The following ITSN2 variants were observed in gnomAD, a reference collection of about 807,000 sequenced individuals.
ITSN2 encodes the protein intersectin 2, also known as intersectin-2.
In ITSN2, 156 loss-of-function variants were observed where a neutral mutation model predicts 243.7. The ratio of observed to expected loss-of-function variants is 0.64; its 90% CI spans 0.56 to 0.73. The LOEUF is 0.73. Among genes scored for constraint, ITSN2 ranks in the 30% least tolerant of loss-of-function variants. The pLI is 0.00. For synonymous variants in ITSN2, 703 were observed against 699.9 expected, an observed-to-expected ratio of 1.00 and a Z score of -0.07; for missense variants, 1,801 against 1,996.1, an observed-to-expected ratio of 0.90 and a Z score of 1.86.
intron 20 of ITSN2, among the ~76,000 whole-genome samples, chr2:24,263,830 T>C (rs745844583): frequency 2.0e-5 from 3 of 152,210 alleles, no homozygotes; most frequent in Non-Finnish European, 4.4e-5. Flanking sequence ...AAGTTTTTTC[T>C]AGTTTTTGGC....
rs1301517384 is a variant in ITSN2 at position 24,210,896 on chromosome 2, C to T, written c.4141G>A (p.Ala1381Thr). 6.2e-7 allele frequency: 1 copy of T among 1,614,074 alleles called. No individual in the cohort carries two copies. The highest frequency in any genetic ancestry group is 8.5e-7 in the Non-Finnish European group (1 of 1,180,046). The change falls in exon 34 of 40, where the codon GCC (alanine) becomes ACC (threonine). Residue 1381 changes from alanine to threonine, a missense_variant. This residue lies in a region of ITSN2 where 928 missense variants were observed against 1,065.4 expected (regional missense o/e 0.87). Coordinates refer to ENST00000355123, the MANE Select transcript of ITSN2 (RefSeq NM_006277.3). ...SHADHSSLKL[A>T]LERAEELCSQ... is the part of the protein sequence containing the mutation. ...CACAGCTCCTCTGCCCGCTCGAGGG[C>T]CAGCTTTAGGGAGGAATGGTCTGCA...
At chr2:24,313,668 A>G (rs1197485463) in intron 3 of ITSN2, 145 bp from the exon 4 acceptor site, 1 of 544,816 alleles carries the variant, frequency 1.8e-6, no homozygotes, top group Non-Finnish European at 3.2e-6. Flanking sequence ...AAACACATAA[A>G]AATTATTTAC....
At chr2:24,361,040 C>G (rs1688953808), upstream of ITSN2, among the ~76,000 whole-genome samples, 2 of 152,170 alleles carry the variant, frequency 1.3e-5, no homozygotes, top group South Asian at 4.1e-4. Context: ...TGTTACAGGC[C>G]TCTTGAACCC....
chr2:24,236,018 G>A (rs1191013090), intron 29 of ITSN2, among the ~76,000 whole-genome samples: 1 of 152,140 alleles, frequency 6.6e-6, no homozygotes, highest in African/African-American at 2.4e-5. Context: ...AAAGAAACAT[G>A]GACATATGTT....
intron 17 of ITSN2, 36 bp downstream of exon 17, chr2:24,284,727 A>C (rs1679243652): frequency 8.2e-7 from 1 of 1,216,472 alleles, no homozygotes; most frequent in African/African-American, 1.5e-5. Context: ...ACAGCAAAGT[A>C]ACTCAAAGAA....
chr2:24,222,727 T>G lies in ITSN2; in HGVS notation c.3578-1661A>C, dbSNP rs1670600604. Among the ~76,000 whole-genome samples the G allele has an allele frequency of 4.5e-5, 6 of 134,418 alleles. No individual in the cohort carries two copies. In the South Asian group the frequency reaches 1.4e-3, roughly 32 times the overall value. The allele number at this position is 134,418 out of a possible 152,430, so 88.2% of individuals were successfully genotyped here. A position where few individuals can be genotyped will look rare whatever the true frequency, so the allele number is the denominator to read the frequency against. ...TCTCCCTGTGTCAGCCAGGCTGGAG[T>G]GCAATGGCGCAAATCTCGGCTCACT... On this transcript the variant is annotated intron_variant, in intron 29 of 39. Coordinates refer to ENST00000355123, the MANE Select transcript of ITSN2 (RefSeq NM_006277.3).
chr2:24,261,865 A>C, intron 20 of ITSN2, 123 bp from the exon 21 acceptor site: 1 of 626,270 alleles, frequency 1.6e-6, no homozygotes, highest in Non-Finnish European at 2.6e-6. Flanking sequence ...TAAACAGCTA[A>C]GGCATTTTCT....
intron 1 of ITSN2, among the ~76,000 whole-genome samples, chr2:24,353,811 C>T (rs146701621): frequency 0.018 from 2,747 of 152,046 alleles, 290 homozygotes; most frequent in Admixed American, 0.17. Flanking sequence ...GTGGGAAATG[C>T]TTTAATTACA....
intron 22 of ITSN2, among the ~76,000 whole-genome samples, chr2:24,260,274 T>C (rs894783303): frequency 3.3e-5 from 5 of 152,088 alleles, no homozygotes; most frequent in Admixed American, 6.5e-5. Flanking sequence ...TAGCACATAA[T>C]AAAATGCCTG....
In ITSN2 at chr2:24,211,075, A is replaced by C. The variant is rs1462621905; in HGVS notation, c.4090-128T>G. Reference sequence around the variant, plus strand: ...CCATGCCCTGGAAACGCGGCGGTGAACAAGACGACACTTTCCGCCCTTGAG... The same window carrying C: ...CCATGCCCTGGAAACGCGGCGGTGACCAAGACGACACTTTCCGCCCTTGAG... On this transcript the variant is annotated intron_variant, in intron 33 of 39. Transcript: ENST00000355123. This position sits in a 1 kb window ranked among gnomAD's most constrained non-coding sequence, Gnocchi z 4.1. 1.3e-6 allele frequency: 1 copy of C among 791,454 alleles called. No individual in the cohort carries two copies. Among genetic ancestry groups the C allele is most frequent in the Non-Finnish European group, 2.0e-6 (1 of 495,974 alleles). 49.0% of individuals were successfully genotyped at this position (791,454 alleles called of 1,614,324 possible). A position where few individuals can be genotyped will look rare whatever the true frequency, so the allele number is the denominator to read the frequency against.
intron 20 of ITSN2, among the ~76,000 whole-genome samples, chr2:24,270,154 G>C (rs1411476653): frequency 6.6e-6 from 1 of 152,172 alleles, no homozygotes; most frequent in Non-Finnish European, 1.5e-5. Flanking sequence ...CAGAAGCAGA[G>C]ACTAAAATCC....
intron 20 of ITSN2, among the ~76,000 whole-genome samples, chr2:24,269,658 C>A (rs771165774): frequency 2.6e-5 from 4 of 152,202 alleles, no homozygotes; most frequent in Non-Finnish European, 5.9e-5. Context: ...CATTAGCCTA[C>A]AAGCGTGTTA....
At chr2:24,339,390 GA>G (rs1389164023) in intron 1 of ITSN2, among the ~76,000 whole-genome samples, 4 of 150,818 alleles carry the variant, frequency 2.7e-5, no homozygotes, top group African/African-American at 7.3e-5. Flanking sequence ...AGGGTCACTT[GA>G]ACTTGGAAGG....
Position 24,248,695 on chromosome 2 carries a change from A to C in ITSN2, c.3222T>G (p.Leu1074=), listed in dbSNP as rs1325899541. The change falls in exon 27 of 40, where the codon CTT becomes CTG. Residue 1074 remains leucine, a synonymous_variant. Coordinates refer to ENST00000355123, the MANE Select transcript of ITSN2 (RefSeq NM_006277.3). ...YVASGSEQLS[L]APGQLILILK... is the part of the protein sequence containing the mutation. ...GAATTAATATTAACTGTCCTGGTGC[A>C]AGGCTAAGTTGTTCAGAACCAGAAG... The C allele has an allele frequency of 6.2e-7, 1 of 1,613,162 alleles. No individual in the cohort carries two copies. The highest frequency in any genetic ancestry group is 1.1e-5 in the South Asian group (1 of 91,004).
At chr2:24,308,550 C>T (rs1440532340) in intron 8 of ITSN2, 67 bp downstream of exon 8, 10 of 1,000,430 alleles carry the variant, frequency 1.0e-5, no homozygotes, top group East Asian at 2.9e-5. Flanking sequence ...ATTCAAATGA[C>T]AGTTCTTCAG....
chr2:24,205,169 G>T, intron 38 of ITSN2, 45 bp downstream of exon 38: 1 of 1,524,906 alleles, frequency 6.6e-7, no homozygotes, highest in South Asian at 1.1e-5. Context: ...GCAAAAACTG[G>T]GGCAGGGCAG....
Position 24,284,856 on chromosome 2 carries a change from G to C in ITSN2, c.1864-13C>G. On this transcript the variant is annotated splice_polypyrimidine_tract_variant and intron_variant, in intron 16 of 39. Coordinates refer to ENST00000355123, the MANE Select transcript of ITSN2 (RefSeq NM_006277.3). ...CCATATTCCCACACTGTAAGATAAG[G>C]CAGATAAAAAGCCAATTAAACTACG... 1 of 1,457,274 alleles carries C rather than the reference G, an allele frequency of 6.9e-7. No individual in the cohort carries two copies. 90.3% of individuals were successfully genotyped at this position (1,457,274 alleles called of 1,614,324 possible).
At position 24,275,775 on chromosome 2, in the gene ITSN2, C is replaced by T; in HGVS notation, c.2019G>A (p.Lys673=). 2 of 1,612,214 alleles carry T rather than the reference C, an allele frequency of 1.2e-6. No homozygotes were observed. Among genetic ancestry groups the T allele is most frequent in the Non-Finnish European group, 1.7e-6 (2 of 1,178,636 alleles). The change falls in exon 18 of 40, where the codon AAG becomes AAA. Residue 673 remains lysine (K), a synonymous_variant. Transcript: ENST00000355123. ...GTTCTAATCTTTTCCTTTCAATTTCCTTCAACTTGTCACGTTTGATCTTAT... is the reference window on the plus strand; with the variant it reads ...GTTCTAATCTTTTCCTTTCAATTTCTTTCAACTTGTCACGTTTGATCTTAT... ...QLYKIKRDKL[K]EIERKRLELM...
At chr2:24,206,986 C>A (rs2151081676) in intron 37 of ITSN2, among the ~76,000 whole-genome samples, 1 of 152,154 alleles carries the variant, frequency 6.6e-6, no homozygotes, top group African/African-American at 2.4e-5. Context: ...GGCAGGGCAA[C>A]AATGGGCTGC....
Sources: allele counts gnomAD v4.1 joint callset (sites outside exome capture counted in the v4.1 genomes callset), GRCh38; gene constraint gnomAD v4.1.1; regional missense constraint gnomAD v4.1.1; non-coding constraint Gnocchi (gnomAD v3.1); transcripts MANE v1.5; gene names NCBI Gene and HGNC (gene_info 2026-07-23, HGNC 2026-07-21).